Variants in CCDC124 observed in about 807,000 individuals in gnomAD.
CCDC124 encodes the protein coiled-coil domain containing 124.
A neutral mutation model predicts 19.8 loss-of-function variants in CCDC124; 9 were observed. That is an observed-to-expected ratio of 0.45 (90% CI 0.27 to 0.79). CCDC124 has a LOEUF of 0.79. Among genes scored for constraint, CCDC124 ranks in the 30% least tolerant of loss-of-function variants. The pLI, the probability that CCDC124 is intolerant of heterozygous loss-of-function variation, is 0.14. For synonymous variants in CCDC124, 126 were observed against 131.3 expected (o/e 0.96, Z 0.27); for missense variants, 285 against 319.0 (o/e 0.89, Z 0.81).
At chr19:17,941,206 C>T (rs1599967848) in intron 2 of CCDC124, among the ~76,000 whole-genome samples, 1 of 152,018 alleles carries the variant, frequency 6.6e-6, no homozygotes, top group South Asian at 2.1e-4. Flanking sequence ...TGATACCTCT[C>T]CTCACTTCAA....
In CCDC124 at chr19:17,942,497, C is replaced by T. The variant is rs748788082; in HGVS notation, c.160-159C>T. On this transcript the variant is annotated intron_variant, in intron 2 of 4. Transcript: ENST00000445755. The surrounding 1 kb of genome is among the most constrained non-coding windows in gnomAD (Gnocchi z 4.2). ...TCCCCTGTTGGCCTCACATCCCCCG[C>T]CCAGGGCAGCACCGGGACCTATCTT... is the stretch of plus-strand genomic sequence containing the variant. Among the ~76,000 whole-genome samples the T allele has an allele frequency of 2.6e-5, 4 of 152,152 alleles. No homozygotes were observed. Among genetic ancestry groups the T allele is most frequent in the Non-Finnish European group, 5.9e-5 (4 of 68,032 alleles).
At chr19:17,940,203 G>A (rs566053307) in intron 2 of CCDC124, among the ~76,000 whole-genome samples, 15 of 151,772 alleles carry the variant, frequency 9.9e-5, no homozygotes, top group African/African-American at 2.4e-4. Context: ...GTGAGCCACC[G>A]CCTCTGGCCT....
At chr19:17,933,733 T>G (rs529638698) in intron 1 of CCDC124, among the ~76,000 whole-genome samples, 23 of 152,240 alleles carry the variant, frequency 1.5e-4, no homozygotes, top group Non-Finnish European at 3.4e-4. Flanking sequence ...TCCTTAGATG[T>G]CTCCTTTAGG....
rs187496122 is a variant in CCDC124 at position 17,943,966 on chromosome 19, G to A, written c.*251G>A. Reference sequence around the variant, plus strand: ...GGGCTGAGTGCCCAATAAAGGTGGCGGCAAGGCTGCGGTGAGGCACTTGAA... The same window carrying A: ...GGGCTGAGTGCCCAATAAAGGTGGCAGCAAGGCTGCGGTGAGGCACTTGAA... On this transcript the variant is annotated 3_prime_UTR_variant, in exon 5 of 5. Transcript: ENST00000445755. The A allele has an allele frequency of 1.6e-4, 91 of 560,916 alleles. No homozygotes were observed. The Middle Eastern group carries it at 1.9e-3, about 12-fold the overall frequency. 34.7% of individuals were successfully genotyped at this position (560,916 alleles called of 1,614,324 possible).
chr19:17,943,262 CGAGAAA>C lies in CCDC124; in HGVS notation c.353_358del (p.Glu118_Lys119del). On this transcript the variant is annotated inframe_deletion and splice_region_variant, in exon 4 of 5. Transcript: ENST00000445755. ...TCTGTCACCCACCCACCCGCCCAGCCGAGAAAGCCAAGAGCCATCTGGAGGTGCCGC... is the reference window on the plus strand; with the variant it reads ...TCTGTCACCCACCCACCCGCCCAGCCGCCAAGAGCCATCTGGAGGTGCCGC... 1 of 1,543,078 alleles carries C rather than the reference CGAGAAA, an allele frequency of 6.5e-7. No homozygotes were observed. The highest frequency in any genetic ancestry group is 8.7e-7 in the Non-Finnish European group (1 of 1,147,328).
rs2031226439 is a variant in CCDC124, at chr19:17,943,204, G to A, written c.350-57G>A. The A allele has an allele frequency of 3.0e-6, 4 of 1,349,060 alleles. No individual in the cohort carries two copies. The East Asian group carries it at 1.0e-4, about 34-fold the overall frequency. 83.6% of individuals were successfully genotyped at this position (1,349,060 alleles called of 1,614,324 possible). On this transcript the variant is annotated intron_variant, in intron 3 of 4. Transcript: ENST00000445755. The stretch of plus-strand genomic sequence containing the variant: ...TTGCCAGTCTCTATCTCATCTCCTT[G>A]GAACTGTGCATCTTTGCTTATCTCT...
chr19:17,941,932 A>G (rs1166232473), intron 2 of CCDC124, among the ~76,000 whole-genome samples: 1 of 152,130 alleles, frequency 6.6e-6, no homozygotes, highest in South Asian at 2.1e-4. Context: ...AGTGCCAGGC[A>G]GTGGGCAGAG....
At position 17,942,524 on chromosome 19, in the gene CCDC124, T is replaced by G; in HGVS notation, c.160-132T>G. On this transcript the variant is annotated intron_variant, in intron 2 of 4. Transcript: ENST00000445755. The surrounding 1 kb of genome is among the most constrained non-coding windows in gnomAD (Gnocchi z 4.2). The stretch of plus-strand genomic sequence containing the variant: ...CAGGGCAGCACCGGGACCTATCTTG[T>G]TCCTGGTATGTCCCCTGCACCCAGC... The G allele has an allele frequency of 9.7e-7, 1 of 1,027,432 alleles. No individual in the cohort carries two copies. Among genetic ancestry groups the G allele is most frequent in the Non-Finnish European group, 1.4e-6 (1 of 709,310 alleles). 63.6% of individuals were successfully genotyped at this position (1,027,432 alleles called of 1,614,324 possible). A position where few individuals can be genotyped will look rare whatever the true frequency, so the allele number is the denominator to read the frequency against.
intron 2 of CCDC124, among the ~76,000 whole-genome samples, chr19:17,940,325 A>G (rs983496304): frequency 2.0e-5 from 3 of 152,056 alleles, no homozygotes; most frequent in Non-Finnish European, 4.4e-5. Context: ...CAAGGTATGG[A>G]GGGGGTTGGA....
Position 17,939,376 on chromosome 19 carries a change from CAA to C in CCDC124, c.159+2799_159+2800del, listed in dbSNP as rs559891526. Among the ~76,000 whole-genome samples, 347 of 151,924 alleles carry C rather than the reference CAA, an allele frequency of 2.3e-3. 1 individual carries two copies. The highest frequency in any genetic ancestry group is 8.1e-3 in the African/African-American group (335 of 41,436). ...CGCCACTGCACTCCAGTCTGGGTGA[CAA>C]AGCAAGAGTCCATCTCAAAAAAATA... On this transcript the variant is annotated intron_variant, in intron 2 of 4. Coordinates refer to ENST00000445755, the MANE Select transcript of CCDC124 (RefSeq NM_001136203.2).
chr19:17,934,408 T>C (rs187990733), intron 1 of CCDC124, among the ~76,000 whole-genome samples: 1 of 151,450 alleles, frequency 6.6e-6, no homozygotes, highest in Non-Finnish European at 1.5e-5. Context: ...AGCCCCAACG[T>C]GGAAACAGCC....
At position 17,936,525 on chromosome 19, in the gene CCDC124, G is replaced by T. The variant is rs753245618; in HGVS notation, c.105G>T (p.Glu35Asp). Residue 35 changes from glutamate (E) to aspartate (D), a missense_variant, in exon 2 of 5, where the codon GAG becomes GAT. By Grantham distance (45) the Glu-to-Asp change is conservative. Coordinates refer to ENST00000445755, the MANE Select transcript of CCDC124 (RefSeq NM_001136203.2). The stretch of plus-strand genomic sequence containing the variant: ...ATGCCAAGAAGCAGAAGGAGCTGGA[G>T]GATGCCTACTGGAAGGACGACGACA... ...AADAKKQKEL[E>D]DAYWKDDDKH... 6.2e-7 allele frequency: 1 copy of T among 1,613,644 alleles called. No individual in the cohort carries two copies. Among genetic ancestry groups the T allele is most frequent in the East Asian group, 2.2e-5 (1 of 44,876 alleles).
At position 17,936,466 on chromosome 19, in the gene CCDC124, C is replaced by T. The variant is rs747508301; in HGVS notation, c.46C>T (p.Arg16Trp). Residue 16 changes from arginine to tryptophan, a missense_variant, in exon 2 of 5, where the codon CGG becomes TGG. Arg to Trp is a moderately radical substitution (Grantham distance 101, BLOSUM62 -3). Coordinates refer to ENST00000445755, the MANE Select transcript of CCDC124 (RefSeq NM_001136203.2). ...TGAGAACACCAAGTCGGCAGCGGCC[C>T]GGGCACGTAGGGCAGAGGCCAAGGC... ...QGENTKSAAA[R>W]ARRAEAKAAA... The T allele has an allele frequency of 3.0e-5, 49 of 1,613,084 alleles. No homozygotes were observed. Among genetic ancestry groups the T allele is most frequent in the Middle Eastern group, 1.6e-4 (1 of 6,082 alleles).
chr19:17,936,000 G>A (rs1416458065), intron 1 of CCDC124, among the ~76,000 whole-genome samples: 1 of 152,146 alleles, frequency 6.6e-6, no homozygotes, highest in Non-Finnish European at 1.5e-5. Context: ...CACCTCCCGG[G>A]TTCGAGCGAT....
rs946618723 is a variant in CCDC124 at position 17,942,367 on chromosome 19, T to A, written c.160-289T>A. 3.3e-5 allele frequency among the ~76,000 whole-genome samples: 5 copies of A among 152,144 alleles called. No homozygotes were observed. The highest frequency in any genetic ancestry group is 1.2e-4 in the African/African-American group (5 of 41,422). On this transcript the variant is annotated intron_variant, in intron 2 of 4. Coordinates refer to ENST00000445755, the MANE Select transcript of CCDC124 (RefSeq NM_001136203.2). This position sits in a 1 kb window ranked among gnomAD's most constrained non-coding sequence, Gnocchi z 4.2. Reference sequence around the variant, plus strand: ...CTCGGCGCCTTTGCACTGGTAGCCCTGCTGCTAAGGACGCTCCTGTTCCCC... The same window carrying A: ...CTCGGCGCCTTTGCACTGGTAGCCCAGCTGCTAAGGACGCTCCTGTTCCCC...
rs1203511400 is a variant in CCDC124, at chr19:17,942,305, C to T, written c.160-351C>T. On this transcript the variant is annotated intron_variant, in intron 2 of 4. Transcript: ENST00000445755. The surrounding 1 kb of genome is among the most constrained non-coding windows in gnomAD (Gnocchi z 4.2). ...CCCTCCCGCTTCACTCCCACTCCAG[C>T]CTCCAAGCTGTTCCTGTTACAACAA... 2.6e-5 allele frequency among the ~76,000 whole-genome samples: 4 copies of T among 152,250 alleles called. No individual in the cohort carries two copies. The East Asian group carries it at 5.8e-4, about 22-fold the overall frequency.
chr19:17,941,152 C>T (rs1180123848), intron 2 of CCDC124, among the ~76,000 whole-genome samples: 1 of 152,106 alleles, frequency 6.6e-6, no homozygotes, highest in Non-Finnish European at 1.5e-5. Context: ...ATTCTCAGCC[C>T]CCGTGAGTTT....
chr19:17,933,516 G>C (rs1307468745), intron 1 of CCDC124, among the ~76,000 whole-genome samples: 1 of 152,134 alleles, frequency 6.6e-6, no homozygotes, highest in East Asian at 1.9e-4. Flanking sequence ...CCACTCCCTG[G>C]GTACCGCCTG....
chr19:17,943,837 G>C lies in CCDC124; in HGVS notation c.*122G>C. On this transcript the variant is annotated 3_prime_UTR_variant, in exon 5 of 5. Transcript: ENST00000445755. ...CGGGGGCCAAGGCGCCGGGCCCCGG[G>C]GCCATGCTCTTATCACCAGCCACCC... The C allele has an allele frequency of 1.1e-6, 1 of 945,556 alleles. No homozygotes were observed. The highest frequency in any genetic ancestry group is 1.6e-6 in the Non-Finnish European group (1 of 629,280). The allele number at this position is 945,556 out of a possible 1,614,324, so 58.6% of individuals were successfully genotyped here.
Sources: gnomAD v4.1 joint callset for allele counts (sites outside exome capture counted in the v4.1 genomes callset) on GRCh38, gnomAD v4.1.1 for gene constraint, Gnocchi (gnomAD v3.1) non-coding constraint, MANE v1.5 for transcripts, NCBI Gene and HGNC (gene_info 2026-07-23, HGNC 2026-07-21) for gene names.